Variants in FBXW11 observed in about 807,000 individuals in gnomAD.
FBXW11 encodes F-box/WD repeat-containing protein 11.
In FBXW11, 19 loss-of-function variants were observed where a neutral mutation model predicts 77.6. That is an observed-to-expected ratio of 0.24 (90% CI 0.17 to 0.36). The LOEUF is 0.36. FBXW11 is among the 10% of genes least tolerant of loss of function. The pLI is 1.00. For synonymous variants in FBXW11, 235 were observed against 249.4 expected, an observed-to-expected ratio of 0.94 and a Z score of 0.54; for missense variants, 334 against 704.2, an observed-to-expected ratio of 0.47 and a Z score of 5.95.
At chr5:171,978,947 A>C (rs1764995508) in intron 1 of FBXW11, among the ~76,000 whole-genome samples, 1 of 152,206 alleles carries the variant, frequency 6.6e-6, no homozygotes, top group African/African-American at 2.4e-5. Context: ...TTGATTTATT[A>C]AAACCCTAAA....
chr5:171,916,507 T>A, intron 2 of FBXW11: 5 of 978,444 alleles, frequency 5.1e-6, no homozygotes, highest in Non-Finnish European at 6.1e-6. Flanking sequence ...AGGACTGGAG[T>A]GGTGAAAGCA....
In FBXW11 at chr5:171,877,992, A is replaced by G. The variant is rs1281752738; in HGVS notation, c.971+19T>C. Reference sequence around the variant, plus strand: ...AGGGAAGGCTTACAAGTTAAGAACAATGAAGCCAGATCACTCACCTCACCG... The same window carrying G: ...AGGGAAGGCTTACAAGTTAAGAACAGTGAAGCCAGATCACTCACCTCACCG... On this transcript the variant is annotated intron_variant, in intron 8 of 13. Coordinates refer to ENST00000517395, the MANE Select transcript of FBXW11 (RefSeq NM_001378974.1). 1.3e-6 allele frequency: 2 copies of G among 1,564,520 alleles called. No homozygotes were observed. Among genetic ancestry groups the G allele is most frequent in the Non-Finnish European group, 8.8e-7 (1 of 1,136,326 alleles).
chr5:171,881,840 A>C (rs1758527343), intron 7 of FBXW11, among the ~76,000 whole-genome samples: 1 of 152,220 alleles, frequency 6.6e-6, no homozygotes, highest in Non-Finnish European at 1.5e-5. Flanking sequence ...CATTTCATAT[A>C]AATTATCAAA....
intron 1 of FBXW11, among the ~76,000 whole-genome samples, chr5:171,967,855 CATATATATAT>C (rs375683631): frequency 0.07 from 8,241 of 118,354 alleles, 350 homozygotes; most frequent in Middle Eastern, 0.096. Context: ...AAAAAAAATG[CATATATATAT>C]ATATATATAT....
At chr5:171,922,602 C>A (rs1761657896) in intron 2 of FBXW11, among the ~76,000 whole-genome samples, 1 of 152,206 alleles carries the variant, frequency 6.6e-6, no homozygotes, top group African/African-American at 2.4e-5. Context: ...GAAATCTTCT[C>A]CCCTCTCCGG....
intron 1 of FBXW11, among the ~76,000 whole-genome samples, chr5:171,960,274 C>T (rs1291860307): frequency 6.6e-6 from 1 of 152,106 alleles, no homozygotes; most frequent in African/African-American, 2.4e-5. Flanking sequence ...GCTCGGAAGG[C>T]TGGGGTGGGA....
At chr5:171,939,555 G>A (rs1169905064) in intron 2 of FBXW11, among the ~76,000 whole-genome samples, 2 of 151,956 alleles carry the variant, frequency 1.3e-5, no homozygotes, top group Non-Finnish European at 2.9e-5. Context: ...AAAATTAACA[G>A]GGCATGGTGA....
At chr5:171,959,829 G>T (rs1222480867) in intron 1 of FBXW11, among the ~76,000 whole-genome samples, 1 of 141,584 alleles carries the variant, frequency 7.1e-6, no homozygotes, top group Non-Finnish European at 1.5e-5. Context: ...CAGCCCAAGC[G>T]ACTGAGCGAG....
intron 13 of FBXW11, among the ~76,000 whole-genome samples, chr5:171,866,837 A>C (rs562710450): frequency 6.6e-6 from 1 of 152,290 alleles, no homozygotes; most frequent in East Asian, 1.9e-4. Flanking sequence ...GCTCCATTCA[A>C]TAATTACAGT....
At chr5:171,964,324 A>T (rs1377535287) in intron 1 of FBXW11, among the ~76,000 whole-genome samples, 1 of 152,270 alleles carries the variant, frequency 6.6e-6, no homozygotes, top group Non-Finnish European at 1.5e-5. Flanking sequence ...GATCAATTTC[A>T]TGGGGTAACC....
At position 171,873,007 on chromosome 5, in the gene FBXW11, C is replaced by T. The variant is rs773915115; in HGVS notation, c.1222-17G>A. ...GCTCCAGACCTGTATAACAAATTAA[C>T]AGTATTTTAAAGAATGAACACAGGA... is the stretch of plus-strand genomic sequence containing the variant. On this transcript the variant is annotated splice_polypyrimidine_tract_variant and intron_variant, in intron 9 of 13. Transcript: ENST00000517395. The T allele has an allele frequency of 6.3e-7, 1 of 1,598,558 alleles. No homozygotes were observed.
At chr5:171,891,627 G>T in intron 6 of FBXW11, 23 bp from the exon 7 acceptor site, 3 of 1,601,736 alleles carry the variant, frequency 1.9e-6, no homozygotes, top group South Asian at 2.3e-5. Flanking sequence ...GGAGGCAAGA[G>T]ATGAGTTTTT....
chr5:171,921,554 A>T (rs1424057161), intron 2 of FBXW11, among the ~76,000 whole-genome samples: 1 of 152,218 alleles, frequency 6.6e-6, no homozygotes, highest in African/African-American at 2.4e-5. Flanking sequence ...GAATGTTTTA[A>T]TAAAACAAAG....
Position 171,928,186 on chromosome 5 carries a change from C to A in FBXW11, c.148-13781G>T, listed in dbSNP as rs1433743680. 2.6e-5 allele frequency among the ~76,000 whole-genome samples: 4 copies of A among 152,134 alleles called. No homozygotes were observed. In the East Asian group the frequency reaches 7.7e-4, roughly 29 times the overall value. ...AATGAGAGTGCATATACATTAATTT[C>A]TTTTCTTTAAATTTATAGAAAATAT... On this transcript the variant is annotated intron_variant, in intron 2 of 13. Transcript: ENST00000517395.
intron 4 of FBXW11, among the ~76,000 whole-genome samples, chr5:171,900,753 T>C (rs1760060206): frequency 6.6e-6 from 1 of 152,224 alleles, no homozygotes; most frequent in Non-Finnish European, 1.5e-5. Flanking sequence ...CCATTTTCTG[T>C]TCCTAAACAG....
At chr5:171,878,238 A>C (rs1482438448) in intron 7 of FBXW11, 109 bp from the exon 8 acceptor site, 1 of 737,452 alleles carries the variant, frequency 1.4e-6, no homozygotes, top group Non-Finnish European at 2.3e-6. Context: ...CTTGGGTTAC[A>C]GTAAATAAGA....
At chr5:171,965,621 G>A (rs1213815306) in intron 1 of FBXW11, among the ~76,000 whole-genome samples, 1 of 151,294 alleles carries the variant, frequency 6.6e-6, no homozygotes, top group Non-Finnish European at 1.5e-5. Context: ...AGAGATGAAG[G>A]GTAATGTTCT....
intron 4 of FBXW11, among the ~76,000 whole-genome samples, chr5:171,902,225 T>G (rs570036912): frequency 3.9e-5 from 6 of 152,294 alleles, no homozygotes; most frequent in Admixed American, 2.0e-4. Context: ...CCTGGTAACT[T>G]TATCCAAAAA....
At chr5:171,944,630 G>C (rs568730174) in intron 2 of FBXW11, among the ~76,000 whole-genome samples, 1 of 148,842 alleles carries the variant, frequency 6.7e-6, no homozygotes, top group South Asian at 2.1e-4. Flanking sequence ...TATTAAGAAT[G>C]GTACTCCATA....
Sources: gnomAD v4.1 joint callset for allele counts (sites outside exome capture counted in the v4.1 genomes callset) on GRCh38, gnomAD v4.1.1 for gene constraint, MANE v1.5 for transcripts, NCBI Gene and HGNC (gene_info 2026-07-23, HGNC 2026-07-21) for gene names.